HECW1: variants seen among roughly 807,000 people sequenced by gnomAD.
HECW1 encodes the protein HECT, C2 and WW domain containing E3 ubiquitin protein ligase 1.
A neutral mutation model predicts 182.3 loss-of-function variants in HECW1; 61 were observed. The ratio of observed to expected loss-of-function variants is 0.33; its 90% CI spans 0.27 to 0.41. HECW1 has a LOEUF of 0.41. Ranked by LOEUF, HECW1 falls within the 10% of genes least tolerant of loss-of-function variation. The pLI, the probability that HECW1 is intolerant of heterozygous loss-of-function variation, is 1.00. For missense variants in HECW1, 1,739 were observed against 2,108.9 expected, an observed-to-expected ratio of 0.82 and a Z score of 3.44; for synonymous variants, 859 against 832.6, an observed-to-expected ratio of 1.03 and a Z score of -0.55.
chr7:43,147,697 G>A (rs551929204), intron 2 of HECW1: 1 of 152,042 alleles, frequency 6.6e-6, no homozygotes, highest in Admixed American at 6.6e-5. Flanking sequence ...CTCCCAACTA[G>A]GGTTCTCCAG....
intron 3 of HECW1, among the ~76,000 whole-genome samples, chr7:43,252,915 C>CAAA (rs1461262808): frequency 2.0e-5 from 3 of 152,204 alleles, no homozygotes; most frequent in African/African-American, 7.2e-5. Context: ...TCGAACAAGA[C>CAAA]AAAAGTGGTT....
Position 43,562,974 on chromosome 7 carries a change from C to CT in HECW1, c.*1055dup. The CT allele has an allele frequency of 4.8e-6, 1 of 208,492 alleles. No homozygotes were observed. The highest frequency in any genetic ancestry group is 9.8e-6 in the Non-Finnish European group (1 of 102,420). 12.9% of individuals were successfully genotyped at this position (208,492 alleles called of 1,614,324 possible). ...CTTTTGTTTGCTTGGCAGACAAACCCTTTTTTTAAAACTTTGATATTTTTT... is the reference window on the plus strand; with the variant it reads ...CTTTTGTTTGCTTGGCAGACAAACCCTTTTTTTTAAAACTTTGATATTTTTT... On this transcript the variant is annotated 3_prime_UTR_variant, in exon 30 of 30. Transcript: ENST00000395891.
Position 43,533,260 on chromosome 7 carries a change from A to G in HECW1, c.4020-7903A>G, listed in dbSNP as rs150211785. On this transcript the variant is annotated intron_variant, in intron 24 of 29. Transcript: ENST00000395891. ...TTTGAGAACTGCAAAAGACTCCTTA[A>G]AGGAACTTAACCCATGCAAGTCCTG... 4.2e-4 allele frequency among the ~76,000 whole-genome samples: 64 copies of G among 152,252 alleles called. No homozygotes were observed. In the East Asian group the frequency reaches 0.01, roughly 24 times the overall value.
intron 27 of HECW1, among the ~76,000 whole-genome samples, chr7:43,551,132 G>A (rs577373185): frequency 7.9e-5 from 12 of 152,284 alleles, no homozygotes; most frequent in Non-Finnish European, 1.2e-4. Context: ...GTCTTGGGTC[G>A]TGGAAGGCTC....
At chr7:43,411,419 G>A (rs751596831) in intron 8 of HECW1, among the ~76,000 whole-genome samples, 15 of 152,070 alleles carry the variant, frequency 9.9e-5, no homozygotes, top group Admixed American at 2.0e-4. Flanking sequence ...ATTTTGGTAG[G>A]CTTACCATAT....
chr7:43,428,696 A>G (rs1459280492), intron 8 of HECW1, among the ~76,000 whole-genome samples: 1 of 152,270 alleles, frequency 6.6e-6, no homozygotes, highest in Non-Finnish European at 1.5e-5. Context: ...AAGCACGTGC[A>G]GAAGGCAAAG....
At chr7:43,498,436 T>C (rs2079198827) in intron 19 of HECW1, among the ~76,000 whole-genome samples, 1 of 152,208 alleles carries the variant, frequency 6.6e-6, no homozygotes, top group Non-Finnish European at 1.5e-5. Context: ...GGAGAGCATA[T>C]AGATTTGAGG....
intron 8 of HECW1, among the ~76,000 whole-genome samples, chr7:43,436,430 C>T (rs1216407892): frequency 1.3e-5 from 2 of 152,150 alleles, no homozygotes; most frequent in Non-Finnish European, 2.9e-5. Context: ...GCTTTTTAAT[C>T]ACCTGGGCGC....
chr7:43,474,973 C>T (rs1429556676), intron 16 of HECW1, among the ~76,000 whole-genome samples: 1 of 152,060 alleles, frequency 6.6e-6, no homozygotes, highest in Admixed American at 6.6e-5. Context: ...CCAGGGGCTT[C>T]AAGGAGTAGA....
chr7:43,250,885 G>T (rs951620006), intron 3 of HECW1, among the ~76,000 whole-genome samples: 5 of 152,182 alleles, frequency 3.3e-5, no homozygotes, highest in Non-Finnish European at 7.3e-5. Flanking sequence ...TAGCCACAGA[G>T]CTGAGTGAGG....
At chr7:43,138,041 C>T (rs925186345) in intron 2 of HECW1, among the ~76,000 whole-genome samples, 1 of 151,826 alleles carries the variant, frequency 6.6e-6, no homozygotes, top group Non-Finnish European at 1.5e-5. Context: ...TTGCATCTCT[C>T]TCATTTATGT....
intron 5 of HECW1, among the ~76,000 whole-genome samples, chr7:43,338,399 G>T (rs1812556990): frequency 6.6e-6 from 1 of 152,092 alleles, no homozygotes; most frequent in African/African-American, 2.4e-5. Context: ...TCTAACTTTT[G>T]ATTTTCTTGA....
intron 4 of HECW1, among the ~76,000 whole-genome samples, chr7:43,312,844 C>T (rs1272747063): frequency 2.6e-5 from 4 of 152,160 alleles, no homozygotes; most frequent in Admixed American, 6.5e-5. Flanking sequence ...AATCAGCTGT[C>T]ATGGAAATTG....
intron 3 of HECW1, among the ~76,000 whole-genome samples, chr7:43,304,079 G>T (rs1004440701): frequency 2.0e-5 from 3 of 152,144 alleles, no homozygotes; most frequent in African/African-American, 7.2e-5. Flanking sequence ...GAAATGCGTG[G>T]GCTGCAGTGA....
chr7:43,529,923 C>T (rs2080912559), intron 24 of HECW1, among the ~76,000 whole-genome samples: 1 of 151,946 alleles, frequency 6.6e-6, no homozygotes, highest in African/African-American at 2.4e-5. Flanking sequence ...AGCCAGTGAA[C>T]TCTTACCACT....
chr7:43,543,781 C>CAAAAAAAAAAAAAAAAAAAAA (rs35618213), intron 26 of HECW1, among the ~76,000 whole-genome samples: 2 of 49,604 alleles, frequency 4.0e-5, no homozygotes, highest in Non-Finnish European at 8.9e-5. Context: ...CTCCATCTCA[C>CAAAAAAAAAAAAAAAAAAAAA]AAAAAAAAAA....
intron 16 of HECW1, among the ~76,000 whole-genome samples, chr7:43,472,807 T>C (rs1341255143): frequency 1.6e-4 from 25 of 152,202 alleles, no homozygotes; most frequent in East Asian, 7.7e-4. Context: ...CTACAAAAGA[T>C]TAAAAATCAG....
intron 5 of HECW1, among the ~76,000 whole-genome samples, chr7:43,336,144 T>TCTCTCTCTC (rs1812211759): frequency 7.7e-5 from 4 of 51,926 alleles, no homozygotes; most frequent in Admixed American, 3.0e-4. Context: ...CTCTCTCTCT[T>TCTCTCTCTC]TCTCTCTCTC....
chr7:43,125,608 AT>A (rs1233980903), intron 2 of HECW1, among the ~76,000 whole-genome samples: 3 of 151,708 alleles, frequency 2.0e-5, no homozygotes, highest in Admixed American at 6.6e-5. Flanking sequence ...TACAAAAAAA[AT>A]TAGCCGGGCA....
Sources: gnomAD v4.1 joint callset for allele counts (sites outside exome capture counted in the v4.1 genomes callset) on GRCh38, gnomAD v4.1.1 for gene constraint, MANE v1.5 for transcripts, NCBI Gene and HGNC (gene_info 2026-07-23, HGNC 2026-07-21) for gene names.